Variants in CNTN3 observed in about 807,000 individuals in gnomAD.
CNTN3 encodes contactin-3.
A neutral mutation model predicts 119.1 loss-of-function variants in CNTN3; 60 were observed. That is an observed-to-expected ratio of 0.50 (90% CI 0.41 to 0.62). The LOEUF (loss-of-function observed/expected upper bound fraction) is 0.62. CNTN3 is among the 20% of genes least tolerant of loss of function. The probability of loss-of-function intolerance (pLI) is 0.00; values close to 1 mark genes in which losing one functional copy is unlikely to be tolerated. For missense variants in CNTN3, 1,101 were observed against 1,242.4 expected, an observed-to-expected ratio of 0.89 and a Z score of 1.71; for synonymous variants, 450 against 438.7, an observed-to-expected ratio of 1.03 and a Z score of -0.32.
intron 20 of CNTN3, among the ~76,000 whole-genome samples, chr3:74,280,931 C>G (rs1014260326): frequency 6.6e-6 from 1 of 151,978 alleles, no homozygotes; most frequent in South Asian, 2.1e-4. Flanking sequence ...CAGGTGGCAC[C>G]CAGGTGATAT....
At chr3:74,399,582 T>C (rs1705140638) in intron 5 of CNTN3, among the ~76,000 whole-genome samples, 1 of 152,170 alleles carries the variant, frequency 6.6e-6, no homozygotes, top group African/African-American at 2.4e-5. Context: ...TTTGCTATTG[T>C]GAATAGTGCT....
intron 1 of CNTN3, among the ~76,000 whole-genome samples, chr3:74,598,984 G>T (rs1406173437): frequency 2.6e-5 from 4 of 151,984 alleles, no homozygotes; most frequent in Non-Finnish European, 5.9e-5. Context: ...TAACTATTTT[G>T]AAGCAATATG....
intron 4 of CNTN3, among the ~76,000 whole-genome samples, chr3:74,430,485 G>T (rs1442098947): frequency 6.6e-6 from 1 of 152,160 alleles, no homozygotes; most frequent in Non-Finnish European, 1.5e-5. Context: ...TTTTACAACT[G>T]TAATCCCAGC....
chr3:74,545,329 AT>A (rs1355444318), intron 1 of CNTN3, among the ~76,000 whole-genome samples: 1 of 152,216 alleles, frequency 6.6e-6, no homozygotes, highest in African/African-American at 2.4e-5. Flanking sequence ...TTTTCTGAAG[AT>A]ATTTATGCTG....
chr3:74,608,659 C>T (rs917633198), intron 1 of CNTN3, among the ~76,000 whole-genome samples: 2 of 152,122 alleles, frequency 1.3e-5, no homozygotes, highest in Non-Finnish European at 2.9e-5. Context: ...AATCTTTATA[C>T]ACTAAAATAA....
intron 5 of CNTN3, among the ~76,000 whole-genome samples, chr3:74,408,577 C>T (rs576853094): frequency 3.9e-5 from 6 of 152,250 alleles, no homozygotes; most frequent in East Asian, 1.9e-4. Flanking sequence ...TTTCCTAATG[C>T]GGCCAGATCT....
At chr3:74,343,891 T>C (rs1179347567) in intron 11 of CNTN3, among the ~76,000 whole-genome samples, 2 of 151,164 alleles carry the variant, frequency 1.3e-5, no homozygotes, top group African/African-American at 2.5e-5. Context: ...TGAGAGAAAA[T>C]GTTCTAAGCT....
At chr3:74,284,038 C>G (rs531686215) in intron 20 of CNTN3, among the ~76,000 whole-genome samples, 2 of 152,262 alleles carry the variant, frequency 1.3e-5, no homozygotes, top group Non-Finnish European at 2.9e-5. Context: ...GTTAGCCACA[C>G]TCTTTTTTCT....
At chr3:74,424,746 T>A in intron 5 of CNTN3, 99 bp downstream of exon 5, 9 of 973,286 alleles carry the variant, frequency 9.2e-6, no homozygotes, top group Non-Finnish European at 1.1e-5. Context: ...GGTTATCAAG[T>A]TTCTCAGAGT....
intron 1 of CNTN3, among the ~76,000 whole-genome samples, chr3:74,522,191 G>C (rs573997832): frequency 1.3e-5 from 2 of 151,904 alleles, no homozygotes; most frequent in Non-Finnish European, 2.9e-5. Context: ...TGAAAAATAT[G>C]TACTTAAAAT....
intron 20 of CNTN3, among the ~76,000 whole-genome samples, chr3:74,273,186 T>G (rs1024168400): frequency 4.6e-5 from 7 of 152,120 alleles, no homozygotes. Flanking sequence ...GTAGCAATAG[T>G]CATTTAATAA....
At chr3:74,591,889 T>C (rs1400755229) in intron 1 of CNTN3, among the ~76,000 whole-genome samples, 1 of 151,808 alleles carries the variant, frequency 6.6e-6, no homozygotes, top group Non-Finnish European at 1.5e-5. Context: ...ACAGGATAGA[T>C]AATCAGGACA....
At position 74,464,503 on chromosome 3, in the gene CNTN3, G is replaced by A. The variant is rs1575752330; in HGVS notation, c.358+21953C>T. Among the ~76,000 whole-genome samples, 3 of 152,248 alleles carry A rather than the reference G, an allele frequency of 2.0e-5. No individual in the cohort carries two copies. The South Asian group carries it at 6.2e-4, about 32-fold the overall frequency. Reference sequence around the variant, plus strand: ...TTAAAGGAAAGAATGTCAGTGGAAGGATATGCTTACAGCTTAAAATCCAGC... The same window carrying A: ...TTAAAGGAAAGAATGTCAGTGGAAGAATATGCTTACAGCTTAAAATCCAGC... On this transcript the variant is annotated intron_variant, in intron 4 of 22. Transcript: ENST00000263665.
chr3:74,475,280 T>C (rs73114671), intron 4 of CNTN3, among the ~76,000 whole-genome samples: 52 of 152,276 alleles, frequency 3.4e-4, no homozygotes, highest in Non-Finnish European at 6.5e-4. Context: ...CAATGTTGGT[T>C]AAAATACAAC....
chr3:74,265,356 G>T (rs1283074117), intron 22 of CNTN3, among the ~76,000 whole-genome samples: 1 of 152,082 alleles, frequency 6.6e-6, no homozygotes, highest in East Asian at 1.9e-4. Flanking sequence ...TTGCCACTTT[G>T]CCCATATTGT....
chr3:74,524,243 A>G (rs1274130598), intron 1 of CNTN3, among the ~76,000 whole-genome samples: 1 of 151,958 alleles, frequency 6.6e-6, no homozygotes, highest in Non-Finnish European at 1.5e-5. Context: ...AAACTCACTC[A>G]TTCAGTAAAA....
chr3:74,554,838 T>C (rs899147922), intron 1 of CNTN3, among the ~76,000 whole-genome samples: 1 of 152,224 alleles, frequency 6.6e-6, no homozygotes, highest in Admixed American at 6.5e-5. Context: ...TTTCTAAACA[T>C]ACAATCGTGT....
intron 1 of CNTN3, among the ~76,000 whole-genome samples, chr3:74,610,980 C>G (rs1490252302): frequency 1.3e-5 from 2 of 152,130 alleles, no homozygotes; most frequent in Non-Finnish European, 2.9e-5. Flanking sequence ...ATATGGATCT[C>G]ATATCTTAAC....
chr3:74,602,981 A>G (rs975473249), intron 1 of CNTN3, among the ~76,000 whole-genome samples: 2 of 152,148 alleles, frequency 1.3e-5, no homozygotes, highest in African/African-American at 2.4e-5. Context: ...GTGCTCTTGA[A>G]AGAAACTACT....
Sources: gnomAD v4.1 joint callset for allele counts (sites outside exome capture counted in the v4.1 genomes callset) on GRCh38, gnomAD v4.1.1 for gene constraint, MANE v1.5 for transcripts, NCBI Gene and HGNC (gene_info 2026-07-23, HGNC 2026-07-21) for gene names.